Variants in CTPS2 observed in about 807,000 individuals in gnomAD.
The protein encoded by CTPS2 is CTP synthase 2.
CTPS2 carries 19 observed loss-of-function variants against 46.8 expected under a neutral mutation model. The observed-to-expected ratio is 0.41, with a 90% CI of 0.28 to 0.60. The LOEUF is 0.60. Among genes scored for constraint, CTPS2 ranks in the 20% least tolerant of loss-of-function variants. The pLI is 0.35. For missense variants in CTPS2, 286 were observed against 447.6 expected, an observed-to-expected ratio of 0.64 and a Z score of 3.26; for synonymous variants, 151 against 165.2, an observed-to-expected ratio of 0.91 and a Z score of 0.66.
chrX:16,651,490 A>T (rs1253345847), intron 13 of CTPS2, among the ~76,000 whole-genome samples: 5 of 112,161 alleles, frequency 4.5e-5, no homozygotes, highest in Non-Finnish European at 9.4e-5. Flanking sequence ...AGGAAAACAA[A>T]GAGGACTGCA....
intron 13 of CTPS2, chrX:16,654,573 A>G: frequency 1.7e-6 from 1 of 603,054 alleles, no homozygotes; most frequent in Non-Finnish European, 2.6e-6. Flanking sequence ...GTCTTATCCT[A>G]TGTGGAATCC....
intron 13 of CTPS2, among the ~76,000 whole-genome samples, chrX:16,642,524 C>T (rs1431636078): frequency 9.0e-6 from 1 of 111,334 alleles, no homozygotes; most frequent in African/African-American, 3.3e-5. Context: ...AGAACGCTGC[C>T]AGGCACCAGC....
chrX:16,670,247 C>G (rs774543394), intron 11 of CTPS2, among the ~76,000 whole-genome samples: 1 of 111,868 alleles, frequency 8.9e-6, no homozygotes, highest in Non-Finnish European at 1.9e-5. Flanking sequence ...GAAACGTTTT[C>G]TGTAAAGGGT....
At position 16,594,333 on chromosome X, in the gene CTPS2, T is replaced by C. The variant is rs977973964; in HGVS notation, c.1692-3471A>G. ...CTTCCCCCCACACTCCTGGTTATAC[T>C]ATTTATGAGCCACGTACCTTTGGAC... is the stretch of plus-strand genomic sequence containing the variant. On this transcript the variant is annotated intron_variant, in intron 17 of 18. Transcript: ENST00000359276. Among the ~76,000 whole-genome samples, 3 of 111,560 alleles carry C rather than the reference T, an allele frequency of 2.7e-5. No homozygotes were observed. The Admixed American group carries it at 2.9e-4, about 11-fold the overall frequency.
chrX:16,693,573 A>T (rs1923873062), intron 4 of CTPS2, 86 bp from the exon 5 acceptor site: 2 of 603,020 alleles, frequency 3.3e-6, no homozygotes, highest in Non-Finnish European at 5.4e-6. Flanking sequence ...TTCTTAATAA[A>T]CCGAGCATGA....
intron 8 of CTPS2, among the ~76,000 whole-genome samples, chrX:16,687,100 CTG>C (rs927862493): frequency 9.1e-6 from 1 of 110,374 alleles, no homozygotes; most frequent in Admixed American, 9.8e-5. Context: ...ACCTCCAGGA[CTG>C]TGAGAGAATA....
intron 13 of CTPS2, among the ~76,000 whole-genome samples, chrX:16,656,476 C>G (rs779340580): frequency 1.8e-5 from 2 of 108,809 alleles, no homozygotes; most frequent in East Asian, 5.8e-4. Context: ...GTGGCGCCAT[C>G]TCGGCTCACT....
intron 13 of CTPS2, chrX:16,654,406 G>T (rs781223162): frequency 1.7e-6 from 2 of 1,168,201 alleles, no homozygotes; most frequent in Non-Finnish European, 2.3e-6. Flanking sequence ...GTAAAACAGG[G>T]TCCAAACACC....
At chrX:16,610,680 C>T (rs1487664420) in intron 16 of CTPS2, among the ~76,000 whole-genome samples, 1 of 112,154 alleles carries the variant, frequency 8.9e-6, no homozygotes, top group Non-Finnish European at 1.9e-5. Flanking sequence ...ACTCAGTAAT[C>T]CCATTACTGG....
At chrX:16,631,227 A>G (rs761744257) in intron 14 of CTPS2, among the ~76,000 whole-genome samples, 1 of 111,245 alleles carries the variant, frequency 9.0e-6, no homozygotes, top group South Asian at 3.8e-4. Flanking sequence ...GGGCGCCTGT[A>G]GCTCCAGCTA....
chrX:16,644,001 A>G, intron 13 of CTPS2, among the ~76,000 whole-genome samples: 1 of 111,733 alleles, frequency 8.9e-6, no homozygotes, highest in Admixed American at 9.5e-5. Context: ...TAACCTATAC[A>G]TCATCAATTC....
intron 1 of CTPS2, among the ~76,000 whole-genome samples, chrX:16,705,386 T>C (rs1015618399): frequency 3.6e-5 from 4 of 112,022 alleles, no homozygotes; most frequent in African/African-American, 1.3e-4. Flanking sequence ...CCACCAACCA[T>C]GGACTGGCTC....
At chrX:16,697,174 C>G (rs780353443) in intron 4 of CTPS2, among the ~76,000 whole-genome samples, 2 of 110,746 alleles carry the variant, frequency 1.8e-5, no homozygotes, top group Admixed American at 9.8e-5. Context: ...CATAAGTGAC[C>G]TTGCTAGGCT....
Position 16,678,378 on chromosome X carries a change from T to G in CTPS2, c.1078A>C (p.Lys360Gln). ...DPVKFHEAWQ[K>Q]LCKADGILVP... Reference sequence around the variant, plus strand: ...GGTACTCACTCAGCTTTGCATAGCTTCTGCCAAGCTTCATGAAATTTCACA... The same window carrying G: ...GGTACTCACTCAGCTTTGCATAGCTGCTGCCAAGCTTCATGAAATTTCACA... Residue 360 changes from lysine to glutamine, a missense_variant, in exon 10 of 19, where the codon AAG becomes CAG. Coordinates refer to ENST00000359276, the MANE Select transcript of CTPS2 (RefSeq NM_175859.3). 8.3e-7 allele frequency: 1 copy of G among 1,198,866 alleles called. No homozygotes were observed. The highest frequency in any genetic ancestry group is 1.1e-6 in the Non-Finnish European group (1 of 885,466).
intron 17 of CTPS2, among the ~76,000 whole-genome samples, chrX:16,604,044 G>T (rs894982998): frequency 1.8e-5 from 2 of 111,563 alleles, no homozygotes; most frequent in African/African-American, 6.5e-5. Flanking sequence ...TTATTACAAA[G>T]TAGTTTCGGC....
At chrX:16,634,134 C>T (rs1398234307) in intron 14 of CTPS2, among the ~76,000 whole-genome samples, 1 of 111,671 alleles carries the variant, frequency 9.0e-6, no homozygotes, top group Non-Finnish European at 1.9e-5. Context: ...GAAAAGACTA[C>T]ATAAAAACTA....
intron 8 of CTPS2, among the ~76,000 whole-genome samples, chrX:16,684,085 G>A (rs1922955291): frequency 8.9e-6 from 1 of 111,999 alleles, no homozygotes; most frequent in African/African-American, 3.2e-5. Flanking sequence ...AAAAATATCT[G>A]GTTTGGTATT....
intron 13 of CTPS2, among the ~76,000 whole-genome samples, chrX:16,665,561 A>G (rs1180468971): frequency 1.8e-5 from 2 of 112,095 alleles, no homozygotes; most frequent in Non-Finnish European, 3.8e-5. Context: ...TAAATGATTC[A>G]AACAGGCAAA....
chrX:16,622,804 T>C (rs770342417), intron 14 of CTPS2, among the ~76,000 whole-genome samples: 2 of 111,902 alleles, frequency 1.8e-5, no homozygotes, highest in African/African-American at 6.5e-5. Flanking sequence ...GTAGTGACTC[T>C]GAAGTCAGAC....
Sources: allele counts gnomAD v4.1 joint callset (sites outside exome capture counted in the v4.1 genomes callset), GRCh38; gene constraint gnomAD v4.1.1; transcripts MANE v1.5; gene names NCBI Gene and HGNC (gene_info 2026-07-23, HGNC 2026-07-21).